GTF2I: variants seen among roughly 807,000 people sequenced by gnomAD.
GTF2I encodes general transcription factor II-I.
Under a neutral mutation model 67.6 loss-of-function variants are expected in GTF2I, and 12 were observed. The ratio of observed to expected loss-of-function variants is 0.18; its 90% CI spans 0.11 to 0.29. The LOEUF is 0.29. GTF2I is among the 10% of genes least tolerant of loss of function. The pLI is 1.00. For missense variants in GTF2I, 271 were observed against 580.1 expected, an observed-to-expected ratio of 0.47 and a Z score of 5.47; for synonymous variants, 149 against 197.0, an observed-to-expected ratio of 0.76 and a Z score of 2.04.
chr7:74,724,089 G>T (rs1263192211), intron 12 of GTF2I, among the ~76,000 whole-genome samples: 1 of 152,124 alleles, frequency 6.6e-6, no homozygotes, highest in Non-Finnish European at 1.5e-5. Context: ...CTTTTAAAAT[G>T]GACATAATTG....
chr7:74,658,391 C>T (rs1296669470), intron 1 of GTF2I, among the ~76,000 whole-genome samples: 1 of 145,248 alleles, frequency 6.9e-6, no homozygotes, highest in Non-Finnish European at 1.5e-5. Context: ...GGGAGGGGCG[C>T]GCGCGCCGAC....
At chr7:74,690,920 A>C in intron 2 of GTF2I, 53 bp from the exon 3 acceptor site, 1 of 1,537,716 alleles carries the variant, frequency 6.5e-7, no homozygotes, top group Non-Finnish European at 8.8e-7. Context: ...TCGAGCAGAA[A>C]TGATGCTCTT....
At chr7:74,725,018 C>T (rs1228842668) in intron 12 of GTF2I, among the ~76,000 whole-genome samples, 1 of 152,160 alleles carries the variant, frequency 6.6e-6, no homozygotes, top group African/African-American at 2.4e-5. Flanking sequence ...TTGAAGCATG[C>T]TGAAACGTGT....
chr7:74,669,237 T>G (rs1805247836), intron 1 of GTF2I, among the ~76,000 whole-genome samples: 3 of 145,552 alleles, frequency 2.1e-5, no homozygotes, highest in South Asian at 2.2e-4. Context: ...TTTTTTTTTT[T>G]TTTTTTTTTT....
rs1794595362 is a variant in GTF2I at position 74,732,522 on chromosome 7, T to G, written c.1164T>G (p.Pro388=). The G allele has an allele frequency of 6.2e-7, 1 of 1,605,968 alleles. No individual in the cohort carries two copies. The highest frequency in any genetic ancestry group is 1.1e-5 in the South Asian group (1 of 88,822). Residue 388 remains proline (P), a synonymous_variant, in exon 15 of 35, where the codon CCT becomes CCG. Transcript: ENST00000573035. The part of the protein sequence containing the change: ...KAKGPVTIPY[P]LFQSHVEDLY... ...AAGGTCCGGTGACGATCCCGTACCC[T>G]CTTTTCCAGTCTCATGTTGAAGATC...
chr7:74,661,591 G>T (rs1439060823), intron 1 of GTF2I, among the ~76,000 whole-genome samples: 1 of 151,936 alleles, frequency 6.6e-6, no homozygotes, highest in African/African-American at 2.4e-5. Context: ...GAGGCAGGGG[G>T]ATCTCTTGAA....
At chr7:74,684,366 T>C (rs1787510361) in intron 1 of GTF2I, among the ~76,000 whole-genome samples, 1 of 152,240 alleles carries the variant, frequency 6.6e-6, no homozygotes, top group Non-Finnish European at 1.5e-5. Flanking sequence ...GGCTGTCTGC[T>C]GAACCCATAC....
At chr7:74,702,234 T>C (rs1789881727) in intron 6 of GTF2I, among the ~76,000 whole-genome samples, 1 of 152,146 alleles carries the variant, frequency 6.6e-6, no homozygotes, top group Non-Finnish European at 1.5e-5. Context: ...GAACTTTTTT[T>C]TTTTTTTTAA....
chr7:74,706,240 A>G (rs1242573855), intron 7 of GTF2I, 150 bp from the exon 8 acceptor site: 8 of 650,130 alleles, frequency 1.2e-5, no homozygotes, highest in Admixed American at 2.6e-5. Context: ...TTTATGCAAT[A>G]AATAAATATG....
chr7:74,663,005 C>T (rs782221427), intron 1 of GTF2I, among the ~76,000 whole-genome samples: 4 of 151,980 alleles, frequency 2.6e-5, no homozygotes, highest in Non-Finnish European at 4.4e-5. Context: ...TTCGATGACC[C>T]ATAGGTGGAC....
At position 74,714,921 on chromosome 7, in the gene GTF2I, A is replaced by T. The variant is rs371522836; in HGVS notation, c.823+5A>T. 1 of 1,579,988 alleles carries T rather than the reference A, an allele frequency of 6.3e-7. No individual in the cohort carries two copies. The highest frequency in any genetic ancestry group is 8.7e-7 in the Non-Finnish European group (1 of 1,155,296). On this transcript the variant is annotated splice_donor_5th_base_variant and intron_variant, in intron 10 of 34. Coordinates refer to ENST00000573035, the MANE Select transcript of GTF2I (RefSeq NM_032999.4). ...CCCTATCGAAGCCTTTGCAAGGTAT[A>T]ATCTTTTCACTTCCATTCTCCCACA...
intron 26 of GTF2I, among the ~76,000 whole-genome samples, chr7:74,750,170 G>A (rs1795717719): frequency 1.1e-5 from 1 of 90,028 alleles, no homozygotes; most frequent in South Asian, 5.4e-4. Flanking sequence ...GCCGGGTGCG[G>A]CCATAAATCC....
chr7:74,699,516 C>T lies in GTF2I; in HGVS notation c.373+421C>T, dbSNP rs148151934. The T allele has an allele frequency of 7.3e-3, 1,121 of 152,730 alleles. 3 individuals carry two copies. Among genetic ancestry groups the T allele is most frequent in the Middle Eastern group, 0.01 (3 of 298 alleles). 9.5% of individuals were successfully genotyped at this position (152,730 alleles called of 1,614,324 possible). Reference sequence around the variant, plus strand: ...TTCACCACATTCGCCAGGCTGGTCTCGAACTCCTGATCTCAGGTGATCCAC... The same window carrying T: ...TTCACCACATTCGCCAGGCTGGTCTTGAACTCCTGATCTCAGGTGATCCAC... On this transcript the variant is annotated intron_variant, in intron 4 of 34. Coordinates refer to ENST00000573035, the MANE Select transcript of GTF2I (RefSeq NM_032999.4).
chr7:74,663,991 G>A (rs587690814), intron 1 of GTF2I, among the ~76,000 whole-genome samples: 1 of 151,920 alleles, frequency 6.6e-6, no homozygotes, highest in Admixed American at 6.6e-5. Flanking sequence ...CACCATGCCC[G>A]GCTAATTTTG....
chr7:74,705,192 C>T lies in GTF2I; in HGVS notation c.615C>T (p.Asp205=). The T allele has an allele frequency of 1.9e-6, 3 of 1,603,698 alleles. No homozygotes were observed. Among genetic ancestry groups the T allele is most frequent in the Non-Finnish European group, 2.6e-6 (3 of 1,171,410 alleles). ...GTCGTGTGATGGTAACAGATGCTGACAGGTCAATACTATCTCCAGGTGGAA... is the reference window on the plus strand; with the variant it reads ...GTCGTGTGATGGTAACAGATGCTGATAGGTCAATACTATCTCCAGGTGGAA... ...VGGRVMVTDA[D]RSILSPGGSC... Residue 205 remains aspartate (D), a synonymous_variant, in exon 7 of 35, where the codon GAC becomes GAT. Coordinates refer to ENST00000573035, the MANE Select transcript of GTF2I (RefSeq NM_032999.4).
chr7:74,698,042 A>T (rs1255514580), intron 3 of GTF2I, among the ~76,000 whole-genome samples: 1 of 151,644 alleles, frequency 6.6e-6, no homozygotes, highest in African/African-American at 2.4e-5. Context: ...TGCAAGCTCC[A>T]CCTCCCGGGC....
intron 1 of GTF2I, among the ~76,000 whole-genome samples, chr7:74,661,479 A>G (rs1290116969): frequency 6.6e-6 from 1 of 152,108 alleles, no homozygotes; most frequent in Admixed American, 6.6e-5. Context: ...CAGGAGTTGG[A>G]GACCAGCCTG....
rs1554411153 is a variant in GTF2I, at chr7:74,758,861, TC to T, written c.*17+7del. The T allele has an allele frequency of 8.6e-7, 1 of 1,156,904 alleles. No homozygotes were observed. Among genetic ancestry groups the T allele is most frequent in the Non-Finnish European group, 1.3e-6 (1 of 764,292 alleles). 71.7% of individuals were successfully genotyped at this position (1,156,904 alleles called of 1,614,324 possible). A position where few individuals can be genotyped will look rare whatever the true frequency, so the allele number is the denominator to read the frequency against. On this transcript the variant is annotated splice_region_variant and intron_variant, in intron 34 of 34. Coordinates refer to ENST00000573035, the MANE Select transcript of GTF2I (RefSeq NM_032999.4). ...TAGACCTCTTCCCTCCTAGGGTAAA[TC>T]AGCTTCTGTGTCAGGGATGCTGTGT...
intron 2 of GTF2I, 38 bp from the exon 3 acceptor site, chr7:74,690,935 G>A (rs1346809936): frequency 1.5e-5 from 23 of 1,585,326 alleles, no homozygotes; most frequent in African/African-American, 6.8e-5. Flanking sequence ...GCTCTTAAAC[G>A]TCCGCCTGTA....
Sources: gnomAD v4.1 joint callset for allele counts (sites outside exome capture counted in the v4.1 genomes callset) on GRCh38, gnomAD v4.1.1 for gene constraint, MANE v1.5 for transcripts, NCBI Gene and HGNC (gene_info 2026-07-23, HGNC 2026-07-21) for gene names.